The following ARID1A variants were observed in gnomAD, a reference collection of about 807,000 sequenced individuals.
The protein encoded by ARID1A is AT-rich interactive domain-containing protein 1A.
ARID1A carries 20 observed loss-of-function variants against 212.6 expected under a neutral mutation model. The ratio of observed to expected loss-of-function variants is 0.09; its 90% CI spans 0.07 to 0.14. The LOEUF (loss-of-function observed/expected upper bound fraction) is 0.14, where lower values mean the gene tolerates loss of function less well. Ranked by LOEUF, ARID1A falls within the 10% of genes least tolerant of loss-of-function variation. ARID1A has a pLI of 1.00. For synonymous variants in ARID1A, 1,376 were observed against 1,222.1 expected (o/e 1.13, Z -2.63); for missense variants, 2,587 against 3,059.0 (o/e 0.85, Z 3.64).
intron 4 of ARID1A, among the ~76,000 whole-genome samples, chr1:26,736,646 A>G (rs980511470): frequency 9.8e-5 from 14 of 142,928 alleles, no homozygotes; most frequent in Non-Finnish European, 1.5e-4. Context: ...AAAAAAAAAA[A>G]GGGCACAGTG....
chr1:26,780,782 G>T lies in ARID1A; in HGVS notation c.*26G>T. 1 of 1,509,280 alleles carries T rather than the reference G, an allele frequency of 6.6e-7. No homozygotes were observed. The allele number at this position is 1,509,280 out of a possible 1,614,324, so 93.5% of individuals were successfully genotyped here. ...CAGCCGTGGGACACCTCCCCCCCCCGTGTGTGTGTGCGTGTGTGGAGAACT... is the reference window on the plus strand; with the variant it reads ...CAGCCGTGGGACACCTCCCCCCCCCTTGTGTGTGTGCGTGTGTGGAGAACT... On this transcript the variant is annotated 3_prime_UTR_variant, in exon 20 of 20. Coordinates refer to ENST00000324856, the MANE Select transcript of ARID1A (RefSeq NM_006015.6). This position sits in a 1 kb window ranked among gnomAD's most constrained non-coding sequence, Gnocchi z 7.2.
Position 26,696,550 on chromosome 1 carries a change from AATG to A in ARID1A, c.149_151del (p.Met50del). The A allele has an allele frequency of 8.3e-7, 1 of 1,207,694 alleles. No homozygotes were observed. The allele number at this position is 1,207,694 out of a possible 1,614,324, so 74.8% of individuals were successfully genotyped here. On this transcript the variant is annotated inframe_deletion, in exon 1 of 20. Transcript: ENST00000324856. ...CGGCGGCAGCGGCCGAGCGCGGGGA[AATG>A]AAGGCAGCCGCCGGGCAGGAAAGCG...
chr1:26,719,162 ATTTG>A (rs747426497), intron 1 of ARID1A, among the ~76,000 whole-genome samples: 4 of 152,294 alleles, frequency 2.6e-5, no homozygotes, highest in East Asian at 3.9e-4. Flanking sequence ...ATAGGGGAGC[ATTTG>A]TTTGTTTTGT....
chr1:26,732,316 AT>A (rs2080686115), intron 3 of ARID1A, among the ~76,000 whole-genome samples: 1 of 152,182 alleles, frequency 6.6e-6, no homozygotes, highest in Non-Finnish European at 1.5e-5. Flanking sequence ...TCCCAAGGTG[AT>A]GTCTTTGAAT....
Position 26,697,420 on chromosome 1 carries a change from TGCGGCGGCGGCA to T in ARID1A, c.1020_1031del (p.Ala346_Ala349del). ...ACATGGCCTCGCAGTGTTGGGGGGC[TGCGGCGGCGGCA>T]GCTGCGGCGGCGGCCGCCTCGGGAG... On this transcript the variant is annotated inframe_deletion, in exon 1 of 20. Coordinates refer to ENST00000324856, the MANE Select transcript of ARID1A (RefSeq NM_006015.6). 3.0e-6 allele frequency: 4 copies of T among 1,345,278 alleles called. No individual in the cohort carries two copies. Among genetic ancestry groups the T allele is most frequent in the East Asian group, 3.1e-5 (1 of 32,550 alleles). The allele number at this position is 1,345,278 out of a possible 1,614,324, so 83.3% of individuals were successfully genotyped here.
At chr1:26,708,113 G>A (rs748097050) in intron 1 of ARID1A, among the ~76,000 whole-genome samples, 2 of 151,764 alleles carry the variant, frequency 1.3e-5, no homozygotes, top group East Asian at 3.9e-4. Context: ...TTGGATTTCC[G>A]ATGAATGGCC....
chr1:26,761,550 G>A, intron 6 of ARID1A, 77 bp downstream of exon 6: 1 of 1,412,730 alleles, frequency 7.1e-7, no homozygotes, highest in African/African-American at 1.4e-5. Context: ...CTTTTGGAGA[G>A]CTGTTTGACC....
In ARID1A at chr1:26,781,159, T is replaced by TAAA. The variant is rs71007893; in HGVS notation, c.*419_*421dup. ...CACATTTCATAACTGTTTTTAATGG[T>TAAA]AAAAAAAAAAAAAAAAAATACAAAA... On this transcript the variant is annotated 3_prime_UTR_variant, in exon 20 of 20. Transcript: ENST00000324856. 2.1e-3 allele frequency: 415 copies of TAAA among 195,274 alleles called. 2 individuals carry two copies. The highest frequency in any genetic ancestry group is 6.8e-3 in the African/African-American group (233 of 34,314). 12.1% of individuals were successfully genotyped at this position (195,274 alleles called of 1,614,324 possible).
chr1:26,729,719 G>C lies in ARID1A; in HGVS notation c.1206G>C (p.Ser402=), dbSNP rs374460995. ...PQPYGGTNPY[S]QQQGPPSGPQ... Reference sequence around the variant, plus strand: ...CATATGGCGGGACTAACCCATACTCGCAGCAACAGGGACCTCCGTCAGGAC... The same window carrying C: ...CATATGGCGGGACTAACCCATACTCCCAGCAACAGGGACCTCCGTCAGGAC... The change falls in exon 2 of 20, where the codon TCG becomes TCC. Residue 402 remains serine, a synonymous_variant. Transcript: ENST00000324856. 1 of 1,614,202 alleles carries C rather than the reference G, an allele frequency of 6.2e-7. No individual in the cohort carries two copies. The highest frequency in any genetic ancestry group is 8.5e-7 in the Non-Finnish European group (1 of 1,180,038).
chr1:26,775,324 T>C, intron 18 of ARID1A, 104 bp downstream of exon 18: 16 of 1,472,474 alleles, frequency 1.1e-5, no homozygotes, highest in Non-Finnish European at 1.4e-5. Context: ...TGGTCCAGTG[T>C]TGACTAAAAT....
Position 26,774,011 on chromosome 1 carries a change from C to A in ARID1A, c.4101+113C>A. The A allele has an allele frequency of 7.3e-7, 1 of 1,361,870 alleles. No homozygotes were observed. The highest frequency in any genetic ancestry group is 1.3e-5 in the South Asian group (1 of 75,414). 84.4% of individuals were successfully genotyped at this position (1,361,870 alleles called of 1,614,324 possible). On this transcript the variant is annotated intron_variant, in intron 17 of 19. Coordinates refer to ENST00000324856, the MANE Select transcript of ARID1A (RefSeq NM_006015.6). This position sits in a 1 kb window ranked among gnomAD's most constrained non-coding sequence, Gnocchi z 5.6. ...AGCTCACTTTAGATATTTTGGCATT[C>A]TTCTCTCACCTGACTGGCCAGTCCT... is the stretch of plus-strand genomic sequence containing the variant.
intron 1 of ARID1A, among the ~76,000 whole-genome samples, chr1:26,719,024 A>C (rs2080532155): frequency 6.6e-6 from 1 of 152,200 alleles, no homozygotes; most frequent in African/African-American, 2.4e-5. Flanking sequence ...AAGCAAAATC[A>C]AGGATAATGG....
At chr1:26,723,836 G>A (rs946669024) in intron 1 of ARID1A, among the ~76,000 whole-genome samples, 2 of 151,894 alleles carry the variant, frequency 1.3e-5, no homozygotes, top group African/African-American at 4.8e-5. Context: ...ACAACCACTC[G>A]CGCTCTCATA....
chr1:26,714,286 C>G (rs1176424275), intron 1 of ARID1A, among the ~76,000 whole-genome samples: 1 of 141,014 alleles, frequency 7.1e-6, no homozygotes, highest in Non-Finnish European at 1.6e-5. Context: ...TTGGTATGTA[C>G]CAGCATACTT....
chr1:26,737,127 T>C (rs2124798033), intron 4 of ARID1A, among the ~76,000 whole-genome samples: 1 of 152,094 alleles, frequency 6.6e-6, no homozygotes, highest in East Asian at 1.9e-4. Context: ...TTTTTGTTTG[T>C]TTGTTTTGAG....
chr1:26,697,254 G>C lies in ARID1A; in HGVS notation c.851G>C (p.Gly284Ala), dbSNP rs2124743909. ...MGGGGPSAAG[G>A]GTPQPTATPT... ...GGAGGCGGCCCCTCCGCGGCCGGCG[G>C]GGGAACTCCCCAGCCCACCGCCACC... Residue 284 changes from glycine (G) to alanine (A), a missense_variant, in exon 1 of 20, where the codon GGG (glycine) becomes GCG (alanine). Gly to Ala is a moderately conservative substitution (Grantham distance 60). Around this residue, in one of 11 missense-constraint regions of ARID1A, gnomAD observed 735 missense variants for 590.6 expected, o/e 1.24. Transcript: ENST00000324856. 7.3e-7 allele frequency: 1 copy of C among 1,373,326 alleles called. No homozygotes were observed. The highest frequency in any genetic ancestry group is 1.8e-5 in the South Asian group (1 of 57,098). 85.1% of individuals were successfully genotyped at this position (1,373,326 alleles called of 1,614,324 possible). A position where few individuals can be genotyped will look rare whatever the true frequency, so the allele number is the denominator to read the frequency against.
intron 1 of ARID1A, among the ~76,000 whole-genome samples, chr1:26,719,374 A>G (rs979300591): frequency 6.6e-6 from 1 of 152,198 alleles, no homozygotes; most frequent in African/African-American, 2.4e-5. Flanking sequence ...TCTGAGGTGC[A>G]TTTCTAGCTT....
At chr1:26,776,369 G>T (rs1221266102) in intron 19 of ARID1A, among the ~76,000 whole-genome samples, 1 of 151,756 alleles carries the variant, frequency 6.6e-6, no homozygotes, top group Non-Finnish European at 1.5e-5. Context: ...CGCCTCCTGG[G>T]TACATGCCAT....
chr1:26,701,307 CT>C (rs2080329873), intron 1 of ARID1A, among the ~76,000 whole-genome samples: 1 of 152,172 alleles, frequency 6.6e-6, no homozygotes, highest in African/African-American at 2.4e-5. Flanking sequence ...CCGAGTAGTT[CT>C]TTTCTGCCAG....
Sources: gnomAD v4.1 joint callset for allele counts (sites outside exome capture counted in the v4.1 genomes callset) on GRCh38, gnomAD v4.1.1 for gene constraint, gnomAD v4.1.1 regional missense constraint, Gnocchi (gnomAD v3.1) non-coding constraint, MANE v1.5 for transcripts, NCBI Gene and HGNC (gene_info 2026-07-23, HGNC 2026-07-21) for gene names.